The following MBD5 variants were observed in gnomAD, a reference collection of about 807,000 sequenced individuals.
MBD5 encodes the protein methyl-CpG binding domain protein 5.
Under a neutral mutation model 117.3 loss-of-function variants are expected in MBD5, and 13 were observed. That is an observed-to-expected ratio of 0.11 (90% confidence interval 0.07 to 0.18). The LOEUF is 0.18. Ranked by LOEUF, MBD5 falls within the 10% of genes least tolerant of loss-of-function variation. The probability of loss-of-function intolerance (pLI) is 1.00; values close to 1 mark genes in which losing one functional copy is unlikely to be tolerated. For missense variants in MBD5, 1,879 were observed against 2,093.8 expected, an observed-to-expected ratio of 0.90 and a Z score of 2.00; for synonymous variants, 727 against 766.4, an observed-to-expected ratio of 0.95 and a Z score of 0.85.
chr2:148,276,160 C>G (rs1335384061), intron 3 of MBD5, among the ~76,000 whole-genome samples: 1 of 151,918 alleles, frequency 6.6e-6, no homozygotes, highest in African/African-American at 2.4e-5. Flanking sequence ...AAAAAACAAA[C>G]AAACAAAAAG....
chr2:148,357,462 T>C (rs1472121457), intron 4 of MBD5, among the ~76,000 whole-genome samples: 121 of 10,040 alleles, frequency 0.012, no homozygotes, highest in African/African-American at 0.067. Flanking sequence ...GGATTTACTC[T>C]TTTTTTTTTT....
At position 148,253,537 on chromosome 2, in the gene MBD5, A is replaced by G. The variant is rs186581953; in HGVS notation, c.-680+20142A>G. ...ACCCCAGTGAAGCAAATGTTGCAAT[A>G]AAGTGAACCATAGGATTTGTTTTGT... is the stretch of plus-strand genomic sequence containing the variant. On this transcript the variant is annotated intron_variant, in intron 3 of 13. Coordinates refer to ENST00000642680, the MANE Select transcript of MBD5 (RefSeq NM_001378120.1). 4.8e-4 allele frequency among the ~76,000 whole-genome samples: 73 copies of G among 152,348 alleles called. No homozygotes were observed. In the East Asian group the frequency reaches 0.013, roughly 27 times the overall value.
chr2:148,240,024 C>T (rs1040393608), intron 3 of MBD5, among the ~76,000 whole-genome samples: 12 of 152,114 alleles, frequency 7.9e-5, no homozygotes, highest in African/African-American at 2.7e-4. Flanking sequence ...CTCAAATGTC[C>T]ATCAGTGATA....
intron 5 of MBD5, among the ~76,000 whole-genome samples, chr2:148,462,339 G>C (rs900179438): frequency 6.6e-6 from 1 of 152,026 alleles, no homozygotes; most frequent in Non-Finnish European, 1.5e-5. Flanking sequence ...TTGGTTTTCA[G>C]AATACTTTTA....
chr2:148,379,832 A>C (rs1183848624), intron 4 of MBD5, among the ~76,000 whole-genome samples: 1 of 152,154 alleles, frequency 6.6e-6, no homozygotes, highest in African/African-American at 2.4e-5. Flanking sequence ...AAAGGATTAC[A>C]ATCCAATAGA....
At chr2:148,329,216 A>T (rs912377554) in intron 3 of MBD5, among the ~76,000 whole-genome samples, 2 of 152,240 alleles carry the variant, frequency 1.3e-5, no homozygotes. Context: ...GCACTTACTC[A>T]GTTTCTGAGA....
intron 3 of MBD5, among the ~76,000 whole-genome samples, chr2:148,339,285 G>T (rs1432249156): frequency 6.6e-6 from 1 of 151,970 alleles, no homozygotes; most frequent in Non-Finnish European, 1.5e-5. Context: ...TTCACAAAAA[G>T]GATATGGTAG....
chr2:148,272,826 G>A (rs1317563979), intron 3 of MBD5, among the ~76,000 whole-genome samples: 1 of 151,992 alleles, frequency 6.6e-6, no homozygotes, highest in Non-Finnish European at 1.5e-5. Context: ...TGTTGTCTGT[G>A]CTTTCTGTTT....
intron 1 of MBD5, among the ~76,000 whole-genome samples, chr2:148,090,015 T>C (rs1165249314): frequency 6.6e-6 from 1 of 151,758 alleles, no homozygotes; most frequent in Non-Finnish European, 1.5e-5. Flanking sequence ...CTACAAACAA[T>C]ACCACAGATA....
At chr2:148,409,014 T>C (rs1017909710) in intron 4 of MBD5, among the ~76,000 whole-genome samples, 1 of 152,120 alleles carries the variant, frequency 6.6e-6, no homozygotes, top group Admixed American at 6.6e-5. Flanking sequence ...GATTTTGTTA[T>C]TCATGGGAGG....
intron 3 of MBD5, among the ~76,000 whole-genome samples, chr2:148,335,545 C>A (rs1187844875): frequency 2.0e-5 from 3 of 151,976 alleles, no homozygotes; most frequent in East Asian, 3.9e-4. Context: ...ATAGCGAGCC[C>A]TCTTCTCTAC....
At chr2:148,123,766 C>G (rs745748162) in intron 1 of MBD5, among the ~76,000 whole-genome samples, 23 of 152,056 alleles carry the variant, frequency 1.5e-4, no homozygotes, top group Non-Finnish European at 2.9e-4. Context: ...AGGAAGAAGA[C>G]TGCTGAGATC....
At chr2:148,361,859 C>G (rs1276143592) in intron 4 of MBD5, among the ~76,000 whole-genome samples, 1 of 152,154 alleles carries the variant, frequency 6.6e-6, no homozygotes, top group Non-Finnish European at 1.5e-5. Flanking sequence ...GTGAGTGCAG[C>G]CCTCCCGACT....
chr2:148,294,073 A>T (rs541276376), intron 3 of MBD5, among the ~76,000 whole-genome samples: 1 of 152,210 alleles, frequency 6.6e-6, no homozygotes, highest in Admixed American at 6.5e-5. Flanking sequence ...ATTCTTGAAG[A>T]AGTTTCTTTA....
intron 3 of MBD5, among the ~76,000 whole-genome samples, chr2:148,272,504 C>T (rs896453159): frequency 5.3e-5 from 8 of 152,116 alleles, no homozygotes; most frequent in African/African-American, 1.4e-4. Context: ...TACTTCATTG[C>T]GGCTTTAATT....
At chr2:148,203,104 CAAAA>C (rs529122300) in intron 2 of MBD5, among the ~76,000 whole-genome samples, 1 of 75,120 alleles carries the variant, frequency 1.3e-5, no homozygotes. Flanking sequence ...GACTCCATCT[CAAAA>C]AAAAAAAAAA....
chr2:148,310,859 T>C (rs1702013484), intron 3 of MBD5, among the ~76,000 whole-genome samples: 1 of 152,208 alleles, frequency 6.6e-6, no homozygotes, highest in African/African-American at 2.4e-5. Flanking sequence ...TTATTTTCAC[T>C]GGTTTCAAAG....
intron 2 of MBD5, among the ~76,000 whole-genome samples, chr2:148,222,144 C>T (rs922148980): frequency 1.3e-5 from 2 of 152,080 alleles, no homozygotes; most frequent in African/African-American, 2.4e-5. Flanking sequence ...CAGTGCCATG[C>T]TGTTTTGATT....
At chr2:148,435,608 C>T (rs1351747234) in intron 4 of MBD5, among the ~76,000 whole-genome samples, 1 of 152,140 alleles carries the variant, frequency 6.6e-6, no homozygotes, top group African/African-American at 2.4e-5. Flanking sequence ...GCTGAAAGGT[C>T]TGCTATTAGC....
Sources: gnomAD v4.1 joint callset for allele counts (sites outside exome capture counted in the v4.1 genomes callset) on GRCh38, gnomAD v4.1.1 for gene constraint, MANE v1.5 for transcripts, NCBI Gene and HGNC (gene_info 2026-07-23, HGNC 2026-07-21) for gene names.